Variants in TNFRSF10B observed in about 807,000 individuals in gnomAD.
TNFRSF10B encodes TNF receptor superfamily member 10b, also known as tumor necrosis factor receptor superfamily member 10B.
TNFRSF10B carries 35 observed loss-of-function variants against 41.4 expected under a neutral mutation model. The observed-to-expected ratio is 0.85, with a 90% CI of 0.65 to 1.12. The LOEUF is 1.12. Among genes scored for constraint, TNFRSF10B ranks in the 50% most tolerant of loss-of-function variants. The probability of loss-of-function intolerance (pLI) is 0.00; values close to 1 mark genes in which losing one functional copy is unlikely to be tolerated. For synonymous variants in TNFRSF10B, 230 were observed against 215.5 expected, an observed-to-expected ratio of 1.07 and a Z score of -0.59; for missense variants, 584 against 552.7, an observed-to-expected ratio of 1.06 and a Z score of -0.57.
chr8:23,021,813 A>G lies in TNFRSF10B; in HGVS notation c.*858T>C, dbSNP rs1472353967. On this transcript the variant is annotated 3_prime_UTR_variant, in exon 9 of 9. Transcript: ENST00000276431. ...CATCTGAGGGAGGGCTGGAACCCAG[A>G]CAGTGACATCTTACAGGGGACTTCT... is the stretch of plus-strand genomic sequence containing the variant. 2.2e-6 allele frequency: 1 copy of G among 454,176 alleles called. No individual in the cohort carries two copies. The highest frequency in any genetic ancestry group is 1.6e-5 in the South Asian group (1 of 64,482). 28.1% of individuals were successfully genotyped at this position (454,176 alleles called of 1,614,324 possible).
chr8:23,033,585 C>CAAAAAAAA (rs59282000), intron 2 of TNFRSF10B, among the ~76,000 whole-genome samples: 18 of 62,276 alleles, frequency 2.9e-4, no homozygotes, highest in African/African-American at 1.3e-3. Context: ...GACTCCGTCT[C>CAAAAAAAA]AAAAAAAAAA....
At chr8:23,030,987 C>A (rs1441884215) in intron 2 of TNFRSF10B, 115 bp from the exon 3 acceptor site, 16 of 744,006 alleles carry the variant, frequency 2.2e-5, no homozygotes, top group Non-Finnish European at 3.3e-5. Context: ...AGGGAAATCT[C>A]CTCTACCTAG....
At chr8:23,058,638 A>ACC (rs1812738844) in intron 1 of TNFRSF10B, among the ~76,000 whole-genome samples, 1 of 152,016 alleles carries the variant, frequency 6.6e-6, no homozygotes, top group African/African-American at 2.4e-5. Context: ...GGCATGCATC[A>ACC]CAATGCCCAG....
rs1324153265 is a variant in TNFRSF10B, at chr8:23,022,491, GC to G, written c.*179del. On this transcript the variant is annotated 3_prime_UTR_variant, in exon 9 of 9. Transcript: ENST00000276431. ...ATCACATTCAGCTTATAAAAATAAT[GC>G]CAAGTGCAGTGAAAAGTTACAGGAT... The G allele has an allele frequency of 1.4e-6, 1 of 714,396 alleles. No individual in the cohort carries two copies. The highest frequency in any genetic ancestry group is 2.7e-5 in the East Asian group (1 of 36,852). The allele number at this position is 714,396 out of a possible 1,614,324, so 44.3% of individuals were successfully genotyped here.
rs752960125 is a variant in TNFRSF10B at position 23,027,116 on chromosome 8, A to T, written c.936+17T>A. 1 of 1,613,650 alleles carries T rather than the reference A, an allele frequency of 6.2e-7. No individual in the cohort carries two copies. The highest frequency in any genetic ancestry group is 8.5e-7 in the Non-Finnish European group (1 of 1,179,982). On this transcript the variant is annotated intron_variant, in intron 7 of 8. Transcript: ENST00000276431. ...GAGCAGCATGCCAGGAAACAAAATG[A>T]TCTGTCCCCCACTCACCAGCAGATG...
At chr8:23,063,376 T>C (rs1387922742) in intron 1 of TNFRSF10B, among the ~76,000 whole-genome samples, 1 of 152,010 alleles carries the variant, frequency 6.6e-6, no homozygotes, top group East Asian at 1.9e-4. Flanking sequence ...CATGTTTCCA[T>C]TTCATTTCAT....
intron 1 of TNFRSF10B, among the ~76,000 whole-genome samples, chr8:23,048,995 C>T (rs1247171568): frequency 6.6e-6 from 1 of 151,820 alleles, no homozygotes; most frequent in Admixed American, 6.6e-5. Flanking sequence ...AGCAAATGGC[C>T]CATAAGCACA....
In TNFRSF10B at chr8:23,022,688, C is replaced by A. The variant is rs1192621998; in HGVS notation, c.1306G>T (p.Asp436Tyr). The A allele has an allele frequency of 1.9e-6, 3 of 1,613,924 alleles. No homozygotes were observed. The highest frequency in any genetic ancestry group is 1.6e-4 in the Middle Eastern group (1 of 6,084). ...AATCACACTTAGGACATGGCAGAGT[C>A]TGCATTACCTTCTAGATACATGAAC... ...GKFMYLEGNA[D>Y]SAMS Residue 436 changes from aspartate (D) to tyrosine (Y), a missense_variant, in exon 9 of 9, where the codon GAC (aspartate) becomes TAC (tyrosine). Coordinates refer to ENST00000276431, the MANE Select transcript of TNFRSF10B (RefSeq NM_003842.5).
chr8:23,040,268 T>TATATATTTATTAA (rs1563313839), intron 2 of TNFRSF10B, among the ~76,000 whole-genome samples: 12 of 127,700 alleles, frequency 9.4e-5, no homozygotes, highest in African/African-American at 3.1e-4. Flanking sequence ...ATTTATTAAA[T>TATATATTTATTAA]ATATATATAA....
rs1811519776 is a variant in TNFRSF10B at position 23,021,513 on chromosome 8, C to T, written c.*1158G>A. ...TTCTATCTCCTGAGCCCAAACAGGGCTCAAGTTCACTTGGGATATGACATA... is the reference window on the plus strand; with the variant it reads ...TTCTATCTCCTGAGCCCAAACAGGGTTCAAGTTCACTTGGGATATGACATA... On this transcript the variant is annotated 3_prime_UTR_variant, in exon 9 of 9. Transcript: ENST00000276431. 2.2e-6 allele frequency: 1 copy of T among 454,036 alleles called. No individual in the cohort carries two copies. The highest frequency in any genetic ancestry group is 2.0e-5 in the African/African-American group (1 of 50,004). 28.1% of individuals were successfully genotyped at this position (454,036 alleles called of 1,614,324 possible). A position where few individuals can be genotyped will look rare whatever the true frequency, so the allele number is the denominator to read the frequency against.
chr8:23,029,156 G>T (rs1014491335), intron 4 of TNFRSF10B, among the ~76,000 whole-genome samples: 1 of 152,188 alleles, frequency 6.6e-6, no homozygotes, highest in Non-Finnish European at 1.5e-5. Flanking sequence ...ATGGGAACTT[G>T]AAGGAGCTCC....
intron 2 of TNFRSF10B, among the ~76,000 whole-genome samples, chr8:23,038,852 G>C (rs1585213920): frequency 2.0e-5 from 3 of 152,216 alleles, no homozygotes; most frequent in South Asian, 2.1e-4. Context: ...CCAGGGACTG[G>C]TTTCCTGAAA....
At chr8:23,039,282 G>A (rs1404480006) in intron 2 of TNFRSF10B, among the ~76,000 whole-genome samples, 1 of 151,998 alleles carries the variant, frequency 6.6e-6, no homozygotes, top group African/African-American at 2.4e-5. Context: ...ACCAGTACTG[G>A]TCCATGGCCT....
chr8:23,065,142 A>C (rs1465720814), intron 1 of TNFRSF10B, among the ~76,000 whole-genome samples: 1 of 152,152 alleles, frequency 6.6e-6, no homozygotes, highest in Non-Finnish European at 1.5e-5. Context: ...CAGTATTCAC[A>C]CAGGGCTCAT....
chr8:23,029,525 T>A lies in TNFRSF10B; in HGVS notation c.476+85A>T, dbSNP rs746936376. On this transcript the variant is annotated intron_variant, in intron 4 of 8. Coordinates refer to ENST00000276431, the MANE Select transcript of TNFRSF10B (RefSeq NM_003842.5). ...CCTCAAGGATGCCCCTTGCGGGTGC[T>A]GTCAGGGGAGAGACAGGGGTACAAG... is the stretch of plus-strand genomic sequence containing the variant. 56 of 1,337,896 alleles carry A rather than the reference T, an allele frequency of 4.2e-5. 4 individuals are homozygous for A. Among genetic ancestry groups the A allele is most frequent in the South Asian group, 3.9e-4 (31 of 80,432 alleles). The allele number at this position is 1,337,896 out of a possible 1,614,324, so 82.9% of individuals were successfully genotyped here.
In TNFRSF10B at chr8:23,022,283, A is replaced by G. The variant is rs946465242; in HGVS notation, c.*388T>C. The G allele has an allele frequency of 6.6e-6, 3 of 455,560 alleles. No individual in the cohort carries two copies. The highest frequency in any genetic ancestry group is 1.3e-5 in the Non-Finnish European group (3 of 227,916). The allele number at this position is 455,560 out of a possible 1,614,324, so 28.2% of individuals were successfully genotyped here. A position where few individuals can be genotyped will look rare whatever the true frequency, so the allele number is the denominator to read the frequency against. ...CACCCCCCACCCAAAAAAGGTTCATATCATATAGTATCAAGTGAAGTCGGA... is the reference window on the plus strand; with the variant it reads ...CACCCCCCACCCAAAAAAGGTTCATGTCATATAGTATCAAGTGAAGTCGGA... On this transcript the variant is annotated 3_prime_UTR_variant, in exon 9 of 9. Transcript: ENST00000276431.
Position 23,068,841 on chromosome 8 carries a change from G to C in TNFRSF10B, c.54C>G (p.His18Gln), listed in dbSNP as rs1813083565. ...CCCGCGCCTCCCTGGGTCCTGGGCC[G>C]TGCCTTTTCCGGGCCCCCGAAGCGG... The part of the protein sequence containing the change: ...APAASGARKR[H>Q]GPGPREARGA... The change falls in exon 1 of 9, where the codon CAC becomes CAG. Residue 18 changes from histidine to glutamine, a missense_variant. Physicochemically the swap from His to Gln is conservative, Grantham distance 24. Coordinates refer to ENST00000276431, the MANE Select transcript of TNFRSF10B (RefSeq NM_003842.5). The C allele has an allele frequency of 6.2e-7, 1 of 1,613,304 alleles. No individual in the cohort carries two copies. The highest frequency in any genetic ancestry group is 2.2e-5 in the East Asian group (1 of 44,870).
intron 1 of TNFRSF10B, among the ~76,000 whole-genome samples, chr8:23,045,456 A>G (rs1363808595): frequency 6.6e-6 from 1 of 152,212 alleles, no homozygotes; most frequent in East Asian, 1.9e-4. Flanking sequence ...GTCTCCTATC[A>G]AAGAAACACC....
intron 1 of TNFRSF10B, among the ~76,000 whole-genome samples, chr8:23,059,188 C>G (rs961553556): frequency 6.6e-6 from 1 of 152,194 alleles, no homozygotes; most frequent in Non-Finnish European, 1.5e-5. Flanking sequence ...CCTTCCTTTT[C>G]AAGGCTGAGT....
Sources: allele counts gnomAD v4.1 joint callset (sites outside exome capture counted in the v4.1 genomes callset), GRCh38; gene constraint gnomAD v4.1.1; transcripts MANE v1.5; gene names NCBI Gene and HGNC (gene_info 2026-07-23, HGNC 2026-07-21).